The following GRID2 variants were observed in gnomAD, a reference collection of about 807,000 sequenced individuals.
The protein encoded by GRID2 is glutamate receptor ionotropic, delta-2.
A neutral mutation model predicts 114.8 loss-of-function variants in GRID2; 33 were observed. That is an observed-to-expected ratio of 0.29 (90% CI 0.22 to 0.38). The LOEUF is 0.38. Among genes scored for constraint, GRID2 ranks in the 10% least tolerant of loss-of-function variants. The pLI is 1.00. For synonymous variants in GRID2, 505 were observed against 449.9 expected, an observed-to-expected ratio of 1.12 and a Z score of -1.55; for missense variants, 1,184 against 1,257.7, an observed-to-expected ratio of 0.94 and a Z score of 0.89.
At chr4:92,415,740 G>GTATATATATATATA (rs70940888) in intron 1 of GRID2, among the ~76,000 whole-genome samples, 50 of 82,182 alleles carry the variant, frequency 6.1e-4, no homozygotes, top group Non-Finnish European at 9.4e-4. Flanking sequence ...GTGTATGTGT[G>GTATATATATATATA]TATATATATA....
intron 14 of GRID2, among the ~76,000 whole-genome samples, chr4:93,710,619 G>T (rs1483467749): frequency 6.6e-6 from 1 of 152,040 alleles, no homozygotes; most frequent in Non-Finnish European, 1.5e-5. Flanking sequence ...AGGGCTCTTT[G>T]GTCAACAGGT....
chr4:93,270,393 A>T (rs1039155779), intron 8 of GRID2, among the ~76,000 whole-genome samples: 7 of 152,162 alleles, frequency 4.6e-5, no homozygotes, highest in Admixed American at 4.6e-4. Flanking sequence ...TCAAAGGAGG[A>T]TATAGTAACT....
At chr4:92,695,860 G>C (rs143667821) in intron 2 of GRID2, among the ~76,000 whole-genome samples, 103 of 152,142 alleles carry the variant, frequency 6.8e-4, no homozygotes, top group African/African-American at 2.4e-3. Flanking sequence ...AAAAAAATCT[G>C]AAATCATACC....
chr4:92,999,911 T>G (rs942970126), intron 2 of GRID2, among the ~76,000 whole-genome samples: 9 of 151,736 alleles, frequency 5.9e-5, no homozygotes, highest in Non-Finnish European at 1.2e-4. Flanking sequence ...ATACGAACTT[T>G]ATTCATCAGG....
At chr4:92,972,131 A>AT (rs951821992) in intron 2 of GRID2, among the ~76,000 whole-genome samples, 3 of 151,456 alleles carry the variant, frequency 2.0e-5, no homozygotes, top group African/African-American at 7.3e-5. Flanking sequence ...ACTGTTCTCC[A>AT]TAGCAGCTGT....
At chr4:93,425,158 A>T (rs1312440001) in intron 10 of GRID2, among the ~76,000 whole-genome samples, 2 of 152,124 alleles carry the variant, frequency 1.3e-5, no homozygotes, top group African/African-American at 2.4e-5. Flanking sequence ...CTCAGAATAC[A>T]TTGCATTTTC....
At chr4:92,485,330 A>AG (rs1360701455) in intron 1 of GRID2, among the ~76,000 whole-genome samples, 37 of 102,714 alleles carry the variant, frequency 3.6e-4, no homozygotes, top group African/African-American at 1.0e-3. Context: ...ATATATATAT[A>AG]TATATATATA....
At chr4:93,734,279 ACT>A (rs1560956704) in intron 14 of GRID2, among the ~76,000 whole-genome samples, 1 of 151,236 alleles carries the variant, frequency 6.6e-6, no homozygotes, top group Admixed American at 6.6e-5. Flanking sequence ...CCTAATTCTC[ACT>A]CTCTCCTTTT....
chr4:92,442,999 C>G (rs558449563), intron 1 of GRID2, among the ~76,000 whole-genome samples: 2 of 151,852 alleles, frequency 1.3e-5, no homozygotes, highest in African/African-American at 2.4e-5. Context: ...GGACCTAGCT[C>G]GGCCTGGCGA....
At chr4:93,627,873 G>T (rs1007985065) in intron 14 of GRID2, among the ~76,000 whole-genome samples, 2 of 152,122 alleles carry the variant, frequency 1.3e-5, no homozygotes, top group Non-Finnish European at 2.9e-5. Context: ...GGGAAGGAAG[G>T]AGTAAAGGAT....
chr4:92,306,944 ACTAC>A (rs528701946), intron 1 of GRID2, among the ~76,000 whole-genome samples: 7 of 152,300 alleles, frequency 4.6e-5, no homozygotes, highest in South Asian at 4.1e-4. Flanking sequence ...TGTTTTATAG[ACTAC>A]CTAATATTGT....
chr4:93,462,764 C>T (rs1327739775), intron 11 of GRID2, among the ~76,000 whole-genome samples: 1 of 149,842 alleles, frequency 6.7e-6, no homozygotes, highest in African/African-American at 2.5e-5. Context: ...TTACCAATGT[C>T]CTATTTACAA....
chr4:93,789,443 CTTG>C (rs1734653998), intron 1 of GRID2, among the ~76,000 whole-genome samples: 1 of 152,162 alleles, frequency 6.6e-6, no homozygotes, highest in South Asian at 2.1e-4. Context: ...TCATAGAATA[CTTG>C]TTATTACCTA....
At chr4:92,914,537 A>G (rs970074851) in intron 2 of GRID2, among the ~76,000 whole-genome samples, 5 of 152,102 alleles carry the variant, frequency 3.3e-5, no homozygotes, top group African/African-American at 4.8e-5. Context: ...CCTAGTAATC[A>G]TTAGTTACTT....
At chr4:93,055,824 TG>T (rs1278943308) in intron 2 of GRID2, among the ~76,000 whole-genome samples, 6 of 151,956 alleles carry the variant, frequency 3.9e-5, no homozygotes, top group Non-Finnish European at 5.9e-5. Context: ...TACAAGAATA[TG>T]TATCCGCTGA....
chr4:93,083,738 C>T (rs1362958828), intron 2 of GRID2, among the ~76,000 whole-genome samples: 3 of 149,646 alleles, frequency 2.0e-5, no homozygotes, highest in African/African-American at 7.3e-5. Flanking sequence ...GATGCTTTCA[C>T]ATTTATTGGA....
At chr4:92,514,542 A>C (rs1038671738) in intron 1 of GRID2, among the ~76,000 whole-genome samples, 13 of 151,996 alleles carry the variant, frequency 8.6e-5, no homozygotes, top group Non-Finnish European at 1.3e-4. Flanking sequence ...GTCAAGTTTA[A>C]ATAGATATAC....
chr4:93,362,590 G>A (rs963163393), intron 8 of GRID2, among the ~76,000 whole-genome samples: 8 of 151,962 alleles, frequency 5.3e-5, no homozygotes, highest in Admixed American at 2.6e-4. Flanking sequence ...CCCTTCCATA[G>A]TGCCTTAAAG....
intron 1 of GRID2, among the ~76,000 whole-genome samples, chr4:92,478,272 A>AT (rs1239255471): frequency 6.6e-6 from 1 of 152,064 alleles, no homozygotes; most frequent in African/African-American, 2.4e-5. Context: ...GCACCATGAA[A>AT]TCTTCTTAGT....
Sources: gnomAD v4.1 joint callset for allele counts (sites outside exome capture counted in the v4.1 genomes callset) on GRCh38, gnomAD v4.1.1 for gene constraint, MANE v1.5 for transcripts, NCBI Gene and HGNC (gene_info 2026-07-23, HGNC 2026-07-21) for gene names.